Variants in STON2 observed in about 807,000 individuals in gnomAD.
STON2 encodes the protein stonin 2.
In STON2, 29 loss-of-function variants were observed where a neutral mutation model predicts 65.7. That is an observed-to-expected ratio of 0.44 (90% CI 0.33 to 0.60). The LOEUF is 0.60. STON2 is among the 20% of genes least tolerant of loss of function. The pLI, the probability that STON2 is intolerant of heterozygous loss-of-function variation, is 0.03. For synonymous variants in STON2, 404 were observed against 414.2 expected, an observed-to-expected ratio of 0.98 and a Z score of 0.30; for missense variants, 1,054 against 1,118.1, an observed-to-expected ratio of 0.94 and a Z score of 0.82.
intron 2 of STON2, among the ~76,000 whole-genome samples, chr14:81,422,131 T>C (rs117328213): frequency 1.3e-4 from 20 of 152,236 alleles, no homozygotes; most frequent in East Asian, 5.8e-4. Flanking sequence ...AAGTCTCCTG[T>C]TGTAGTTTGA....
Position 81,395,965 on chromosome 14 carries a change from T to C in STON2, c.302A>G (p.Asn101Ser), listed in dbSNP as rs1341133826. 6.2e-7 allele frequency: 1 copy of C among 1,614,106 alleles called. No individual in the cohort carries two copies. Among genetic ancestry groups the C allele is most frequent in the Non-Finnish European group, 8.5e-7 (1 of 1,179,998 alleles). ...PPPDLASAIS[N>S]WVQFEDDTPW... ...TGTGTCATCTTCAAACTGAACCCAGTTGCTGATGGCCGAGGCCAGGTCAGG... is the reference window on the plus strand; with the variant it reads ...TGTGTCATCTTCAAACTGAACCCAGCTGCTGATGGCCGAGGCCAGGTCAGG... Residue 101 changes from asparagine (N) to serine (S), a missense_variant, in exon 3 of 8, where the codon AAC becomes AGC. Coordinates refer to ENST00000614646, the MANE Select transcript of STON2 (RefSeq NM_001394390.1).
intron 6 of STON2, among the ~76,000 whole-genome samples, chr14:81,272,508 C>CA (rs948920437): frequency 6.6e-6 from 1 of 152,182 alleles, no homozygotes; most frequent in Non-Finnish European, 1.5e-5. Flanking sequence ...TAGGACTTTT[C>CA]AATCTCAGAG....
rs192297651 is a variant in STON2, at chr14:81,267,157, T to C, written c.*1257A>G. Reference sequence around the variant, plus strand: ...ATGGGAGAAAACACTAAGATACAAATAAGAAGCAGAGGTGAGTAGGAACGG... The same window carrying C: ...ATGGGAGAAAACACTAAGATACAAACAAGAAGCAGAGGTGAGTAGGAACGG... On this transcript the variant is annotated 3_prime_UTR_variant, in exon 8 of 8. Coordinates refer to ENST00000614646, the MANE Select transcript of STON2 (RefSeq NM_001394390.1). 2 of 985,300 alleles carry C rather than the reference T, an allele frequency of 2.0e-6. No individual in the cohort carries two copies. Among genetic ancestry groups the C allele is most frequent in the Non-Finnish European group, 1.2e-6 (1 of 829,900 alleles). The allele number at this position is 985,300 out of a possible 1,614,324, so 61.0% of individuals were successfully genotyped here. A position where few individuals can be genotyped will look rare whatever the true frequency, so the allele number is the denominator to read the frequency against.
chr14:81,311,256 T>C (rs1365210391), intron 5 of STON2, among the ~76,000 whole-genome samples: 1 of 152,146 alleles, frequency 6.6e-6, no homozygotes, highest in African/African-American at 2.4e-5. Context: ...AGTATGGGAA[T>C]AGGTCTCTAT....
At chr14:81,395,120 A>G (rs1332738157) in intron 3 of STON2, 1 of 152,194 alleles carries the variant, frequency 6.6e-6, no homozygotes, top group Non-Finnish European at 1.5e-5. Flanking sequence ...CTCATGAACA[A>G]CCATCCCTAC....
intron 4 of STON2, among the ~76,000 whole-genome samples, chr14:81,329,203 C>A (rs1166553759): frequency 6.6e-6 from 1 of 152,048 alleles, no homozygotes. Flanking sequence ...CGCTTGTAAT[C>A]CCAGCACTTT....
chr14:81,377,942 G>T (rs1386211272), intron 3 of STON2, among the ~76,000 whole-genome samples: 1 of 151,866 alleles, frequency 6.6e-6, no homozygotes, highest in Non-Finnish European at 1.5e-5. Flanking sequence ...CCACTTCCTG[G>T]GTTCAAGCAA....
intron 5 of STON2, among the ~76,000 whole-genome samples, chr14:81,320,044 C>T (rs116842855): frequency 0.016 from 2,420 of 152,258 alleles, 31 homozygotes; most frequent in Non-Finnish European, 0.025. Flanking sequence ...TTTGTCCGAT[C>T]TCTGCTAGGC....
chr14:81,398,305 G>A lies in STON2; in HGVS notation c.78C>T (p.Ala26=). 6.2e-7 allele frequency: 1 copy of A among 1,612,672 alleles called. No homozygotes were observed. The highest frequency in any genetic ancestry group is 1.1e-5 in the South Asian group (1 of 90,976). Residue 26 remains alanine, a synonymous_variant, in exon 2 of 8, where the codon GCC becomes GCT. Transcript: ENST00000614646. ...GAAGGCACTCCTTACCCTGCGAGTG[G>A]GCAGGAAAGGGTGGCTCTTCATTGA... is the stretch of plus-strand genomic sequence containing the variant. ...VSFNEEPPFP[A]HSQGGTEEHL...
intron 1 of STON2, among the ~76,000 whole-genome samples, chr14:81,431,355 A>C (rs1902218026): frequency 6.6e-6 from 1 of 152,212 alleles, no homozygotes; most frequent in Non-Finnish European, 1.5e-5. Flanking sequence ...TGCATATAGA[A>C]GGCCGGATGC....
At chr14:81,271,763 T>C (rs1020356969) in intron 6 of STON2, among the ~76,000 whole-genome samples, 3 of 152,368 alleles carry the variant, frequency 2.0e-5, no homozygotes, top group East Asian at 1.9e-4. Context: ...CACTGAAACA[T>C]CATTGTCATT....
intron 2 of STON2, among the ~76,000 whole-genome samples, chr14:81,409,592 C>T (rs1041823930): frequency 1.3e-5 from 2 of 152,004 alleles, no homozygotes; most frequent in African/African-American, 4.8e-5. Flanking sequence ...TACAGTAACC[C>T]TGAGATAAGT....
chr14:81,280,637 G>A (rs1895074482), intron 5 of STON2, among the ~76,000 whole-genome samples: 1 of 152,118 alleles, frequency 6.6e-6, no homozygotes, highest in Admixed American at 6.5e-5. Context: ...TACAAGGATG[G>A]GATGCTGGCT....
rs191994578 is a variant in STON2 at position 81,413,592 on chromosome 14, G to A, written c.-199+13510C>T. On this transcript the variant is annotated intron_variant, in intron 2 of 8. Transcript: ENST00000553821. ...AGGCAGATCAAGTGGTCAGGTGTTCGAGACCAGCCTGACCAACATGGTGAA... is the reference window on the plus strand; with the variant it reads ...AGGCAGATCAAGTGGTCAGGTGTTCAAGACCAGCCTGACCAACATGGTGAA... Among the ~76,000 whole-genome samples, 310 of 138,736 alleles carry A rather than the reference G, an allele frequency of 2.2e-3. 72 individuals carry two copies. The highest frequency in any genetic ancestry group is 8.9e-3 in the African/African-American group (298 of 33,592). 91.0% of individuals were successfully genotyped at this position (138,736 alleles called of 152,430 possible).
At position 81,267,667 on chromosome 14, in the gene STON2, G is replaced by A. The variant is rs1045089415; in HGVS notation, c.*747C>T. ...TTTTCTCCAAAATGAAGAAAACTAA[G>A]ATTAATTTTGCCTTCCCCTCAACAC... On this transcript the variant is annotated 3_prime_UTR_variant, in exon 8 of 8. Transcript: ENST00000614646. The A allele has an allele frequency of 3.5e-5, 34 of 985,094 alleles. No homozygotes were observed. The highest frequency in any genetic ancestry group is 3.9e-5 in the Non-Finnish European group (32 of 829,816). The allele number at this position is 985,094 out of a possible 1,614,324, so 61.0% of individuals were successfully genotyped here.
chr14:81,270,609 G>A (rs1410133652), intron 7 of STON2, 61 bp downstream of exon 7: 2 of 1,613,948 alleles, frequency 1.2e-6, no homozygotes, highest in Admixed American at 1.7e-5. Context: ...AATAAGAGGG[G>A]GAGGGTAGTG....
intron 5 of STON2, 174 bp from the exon 6 acceptor site, chr14:81,278,913 T>C (rs886738554): frequency 1.8e-5 from 9 of 489,142 alleles, no homozygotes; most frequent in East Asian, 3.1e-5. Context: ...AATTCTGTAA[T>C]GAGCACCCCA....
At position 81,264,777 on chromosome 14, in the gene STON2, T is replaced by C. The variant is rs1047080227; in HGVS notation, c.*3637A>G. The C allele has an allele frequency of 1.2e-5, 12 of 985,276 alleles. No individual in the cohort carries two copies. The Admixed American group carries it at 5.5e-4, about 45-fold the overall frequency. The allele number at this position is 985,276 out of a possible 1,614,324, so 61.0% of individuals were successfully genotyped here. A position where few individuals can be genotyped will look rare whatever the true frequency, so the allele number is the denominator to read the frequency against. On this transcript the variant is annotated 3_prime_UTR_variant, in exon 8 of 8. Transcript: ENST00000614646. ...GAAACTGTCCAGATAATATTTAATA[T>C]GAATGAAATGCAAACTTTTGATAAG...
chr14:81,305,134 C>T (rs1271332980), intron 5 of STON2, among the ~76,000 whole-genome samples: 2 of 152,200 alleles, frequency 1.3e-5, no homozygotes, highest in African/African-American at 2.4e-5. Context: ...ATTTCTGCAT[C>T]GTATTCAATT....
Sources: gnomAD v4.1 joint callset for allele counts (sites outside exome capture counted in the v4.1 genomes callset) on GRCh38, gnomAD v4.1.1 for gene constraint, MANE v1.5 for transcripts, NCBI Gene and HGNC (gene_info 2026-07-23, HGNC 2026-07-21) for gene names.